Variants in RAB27B observed in about 807,000 individuals in gnomAD.
RAB27B encodes the protein RAB27B, member RAS oncogene family.
In RAB27B, 15 loss-of-function variants were observed where a neutral mutation model predicts 24.6. That is an observed-to-expected ratio of 0.61 (90% confidence interval 0.41 to 0.94). RAB27B has a LOEUF of 0.94. Among genes scored for constraint, RAB27B ranks in the 40% least tolerant of loss-of-function variants. RAB27B has a pLI of 0.00. For missense variants in RAB27B, 261 were observed against 266.8 expected (o/e 0.98, Z 0.15); for synonymous variants, 105 against 92.5 (o/e 1.14, Z -0.78).
chr18:54,779,505 A>C (rs1427166889), intron 2 of RAB27B, among the ~76,000 whole-genome samples: 1 of 152,198 alleles, frequency 6.6e-6, no homozygotes, highest in Non-Finnish European at 1.5e-5. Context: ...ACAGAATCCC[A>C]AGATTAATGC....
chr18:54,855,489 C>T (rs187354612), intron 1 of RAB27B, among the ~76,000 whole-genome samples: 4 of 152,254 alleles, frequency 2.6e-5, no homozygotes, highest in Non-Finnish European at 4.4e-5. Flanking sequence ...CCATTAGCAG[C>T]CTTGGATACA....
chr18:54,776,132 A>G (rs748343284), intron 2 of RAB27B, among the ~76,000 whole-genome samples: 2 of 152,220 alleles, frequency 1.3e-5, no homozygotes, highest in Non-Finnish European at 2.9e-5. Flanking sequence ...TTTTAAGAAA[A>G]TGTCATAGAA....
intron 2 of RAB27B, among the ~76,000 whole-genome samples, chr18:54,764,147 T>C (rs1598886910): frequency 1.3e-5 from 2 of 152,300 alleles, no homozygotes; most frequent in East Asian, 3.9e-4. Flanking sequence ...CTCCTAGCTT[T>C]CCCTAGATGT....
intron 1 of RAB27B, among the ~76,000 whole-genome samples, chr18:54,835,477 T>C (rs1910857748): frequency 6.6e-6 from 1 of 151,974 alleles, no homozygotes; most frequent in Non-Finnish European, 1.5e-5. Context: ...CTAAGGTTTG[T>C]AATACCTATT....
At chr18:54,833,322 G>T (rs1040215858) in intron 1 of RAB27B, among the ~76,000 whole-genome samples, 1 of 145,222 alleles carries the variant, frequency 6.9e-6, no homozygotes, top group Admixed American at 7.3e-5. Context: ...CCTCCCCGGG[G>T]TTCAAGCGAT....
At chr18:54,805,657 CAT>C (rs1408077906) in intron 2 of RAB27B, among the ~76,000 whole-genome samples, 3 of 152,124 alleles carry the variant, frequency 2.0e-5, no homozygotes, top group Non-Finnish European at 2.9e-5. Context: ...GTTCAGGAAT[CAT>C]GTGTTATTTA....
At chr18:54,761,836 T>C in intron 2 of RAB27B, among the ~76,000 whole-genome samples, 1 of 152,216 alleles carries the variant, frequency 6.6e-6, no homozygotes, top group East Asian at 1.9e-4. Context: ...TTATTCCCTG[T>C]AGCAGATTGA....
intron 1 of RAB27B, among the ~76,000 whole-genome samples, chr18:54,859,172 C>CT (rs1362416586): frequency 6.6e-6 from 1 of 152,154 alleles, no homozygotes; most frequent in East Asian, 1.9e-4. Flanking sequence ...TAGATCAAAT[C>CT]TGGAAAATAC....
intron 2 of RAB27B, among the ~76,000 whole-genome samples, chr18:54,775,843 A>G (rs542501268): frequency 6.6e-6 from 1 of 152,140 alleles, no homozygotes; most frequent in South Asian, 2.1e-4. Context: ...ATATCAGCTC[A>G]TGGTCAGCCT....
At chr18:54,848,301 T>C (rs535400183) in intron 1 of RAB27B, among the ~76,000 whole-genome samples, 102 of 152,376 alleles carry the variant, frequency 6.7e-4, no homozygotes, top group African/African-American at 2.3e-3. Flanking sequence ...TAAATGTTTA[T>C]GGCTGTCTCA....
chr18:54,768,205 A>G (rs919961369), intron 2 of RAB27B, among the ~76,000 whole-genome samples: 1 of 151,796 alleles, frequency 6.6e-6, no homozygotes, highest in Admixed American at 6.6e-5. Context: ...ACAGCAAATC[A>G]AAAAGAGGGG....
At chr18:54,828,197 A>T (rs1910538111), upstream of RAB27B, 1 of 152,110 alleles carries the variant, frequency 6.6e-6, no homozygotes, top group South Asian at 2.1e-4. Context: ...CCCAGTTCTC[A>T]CAGCGCCCTG....
In RAB27B at chr18:54,836,544, C is replaced by T. The variant is rs528583282; in HGVS notation, c.-20+7844C>T. Among the ~76,000 whole-genome samples the T allele has an allele frequency of 2.7e-4, 41 of 151,962 alleles. 2 individuals are homozygous for T. The highest frequency in any genetic ancestry group is 9.2e-4 in the African/African-American group (38 of 41,304). On this transcript the variant is annotated intron_variant, in intron 1 of 5. Coordinates refer to ENST00000262094, the MANE Select transcript of RAB27B (RefSeq NM_004163.4). ...ACACATGAAGGTATAAGCTTGGCAA[C>T]TTGAGAACAGAGAACTAACTCAAAA...
chr18:54,839,654 T>TGTA (rs1911031963), intron 1 of RAB27B, among the ~76,000 whole-genome samples: 1 of 152,348 alleles, frequency 6.6e-6, no homozygotes, highest in African/African-American at 2.4e-5. Flanking sequence ...CCTGATGTAC[T>TGTA]ATCTAGCACC....
At position 54,752,396 on chromosome 18, in the gene RAB27B, A is replaced by G. The variant is rs180775529; in HGVS notation, c.-20+34255A>G. Among the ~76,000 whole-genome samples the G allele has an allele frequency of 2.9e-3, 438 of 152,312 alleles. 4 individuals carry two copies. The highest frequency in any genetic ancestry group is 0.01 in the African/African-American group (419 of 41,566). On this transcript the variant is annotated intron_variant, in intron 2 of 4. Coordinates refer to the RAB27B transcript ENST00000586570. ...TCTGGGGTGGGGCCCAAGCGTTTGT[A>G]AATTTTAAAAGTCCCCCAGGTGATT...
intron 3 of RAB27B, 103 bp from the exon 4 acceptor site, chr18:54,884,230 C>T: frequency 1.5e-6 from 1 of 671,040 alleles, no homozygotes; most frequent in Non-Finnish European, 2.7e-6. Context: ...TCCATAAGGG[C>T]CAGTCACGGA....
chr18:54,784,873 C>T (rs1245161919), intron 2 of RAB27B, among the ~76,000 whole-genome samples: 1 of 152,184 alleles, frequency 6.6e-6, no homozygotes, highest in African/African-American at 2.4e-5. Flanking sequence ...CAATGTGCTA[C>T]TCTTAAAACA....
intron 2 of RAB27B, among the ~76,000 whole-genome samples, chr18:54,733,410 A>G (rs1229778718): frequency 1.3e-5 from 2 of 152,134 alleles, no homozygotes; most frequent in African/African-American, 2.4e-5. Context: ...CATCCATAAC[A>G]TTAATTAATC....
At chr18:54,809,967 TTTA>T (rs1909911932) in intron 2 of RAB27B, among the ~76,000 whole-genome samples, 1 of 152,216 alleles carries the variant, frequency 6.6e-6, no homozygotes, top group African/African-American at 2.4e-5. Flanking sequence ...TAATCATAAT[TTTA>T]TTATTCTGAC....
Sources: gnomAD v4.1 joint callset for allele counts (sites outside exome capture counted in the v4.1 genomes callset) on GRCh38, gnomAD v4.1.1 for gene constraint, MANE v1.5 for transcripts, NCBI Gene and HGNC (gene_info 2026-07-23, HGNC 2026-07-21) for gene names.